The following HBS1L variants were observed in gnomAD, a reference collection of about 807,000 sequenced individuals.
HBS1L encodes HBS1-like protein.
A neutral mutation model predicts 88.9 loss-of-function variants in HBS1L; 55 were observed. The ratio of observed to expected loss-of-function variants is 0.62; its 90% CI spans 0.50 to 0.77. The LOEUF is 0.77. Among genes scored for constraint, HBS1L ranks in the 30% least tolerant of loss-of-function variants. The pLI is 0.00. For synonymous variants in HBS1L, 267 were observed against 288.5 expected, an observed-to-expected ratio of 0.93 and a Z score of 0.76; for missense variants, 741 against 829.3, an observed-to-expected ratio of 0.89 and a Z score of 1.31.
At chr6:134,966,159 A>G (rs1399801185) in intron 17 of HBS1L, among the ~76,000 whole-genome samples, 170 bp downstream of exon 17, 1 of 152,148 alleles carries the variant, frequency 6.6e-6, no homozygotes, top group Non-Finnish European at 1.5e-5. Context: ...CCAATCTTCC[A>G]AATATAACCC....
At chr6:134,972,103 T>A (rs1262334505) in intron 15 of HBS1L, among the ~76,000 whole-genome samples, 10 of 152,192 alleles carry the variant, frequency 6.6e-5, no homozygotes, top group Admixed American at 6.5e-4. Flanking sequence ...TTTCTAAAGT[T>A]CTAACATTTC....
At position 135,031,204 on chromosome 6, in the gene HBS1L, C is replaced by T. The variant is rs147418579; in HGVS notation, c.430+8369G>A. Among the ~76,000 whole-genome samples, 428 of 152,050 alleles carry T rather than the reference C, an allele frequency of 2.8e-3. 2 individuals are homozygous for T. Among genetic ancestry groups the T allele is most frequent in the African/African-American group, 9.9e-3 (413 of 41,510 alleles). On this transcript the variant is annotated intron_variant, in intron 4 of 17. Coordinates refer to ENST00000367837, the MANE Select transcript of HBS1L (RefSeq NM_006620.4). The stretch of plus-strand genomic sequence containing the variant: ...GGCCATGAGTTCGGTGTTAATGAAT[C>T]CATGCTATACACATCCATTAAATAA...
chr6:135,014,821 A>G lies in HBS1L; in HGVS notation c.431-11979T>C, dbSNP rs187240117. Among the ~76,000 whole-genome samples the G allele has an allele frequency of 2.6e-3, 356 of 137,608 alleles. 1 individual carries two copies. The highest frequency in any genetic ancestry group is 4.3e-3 in the Non-Finnish European group (285 of 65,568). 90.3% of individuals were successfully genotyped at this position (137,608 alleles called of 152,430 possible). On this transcript the variant is annotated intron_variant, in intron 4 of 17. Transcript: ENST00000367837. ...CACCTGAGCCCAGGAGTTCAAGACC[A>G]GCCTGGGCAACACGGAGAAACTGTC...
At chr6:135,008,246 TAC>T (rs1174570764) in intron 4 of HBS1L, among the ~76,000 whole-genome samples, 1 of 152,184 alleles carries the variant, frequency 6.6e-6, no homozygotes, top group East Asian at 1.9e-4. Flanking sequence ...ATCCGTTAGG[TAC>T]AGTTTTCATT....
intron 4 of HBS1L, among the ~76,000 whole-genome samples, chr6:135,010,723 T>C (rs1276678506): frequency 1.3e-5 from 2 of 152,072 alleles, no homozygotes; most frequent in Non-Finnish European, 1.5e-5. Context: ...TGGGACTATT[T>C]TGGGGGGGAA....
chr6:135,051,884 C>T (rs1186081554), intron 1 of HBS1L, among the ~76,000 whole-genome samples: 1 of 152,188 alleles, frequency 6.6e-6, no homozygotes, highest in Non-Finnish European at 1.5e-5. Flanking sequence ...ACAGTGAACA[C>T]ATTTCCAGTT....
chr6:135,043,459 C>A (rs1039857962), intron 2 of HBS1L, among the ~76,000 whole-genome samples: 10 of 152,158 alleles, frequency 6.6e-5, no homozygotes, highest in Admixed American at 3.3e-4. Flanking sequence ...AAAAAGACAT[C>A]AAAATGTATA....
At chr6:135,014,474 C>T (rs1004542090) in intron 4 of HBS1L, among the ~76,000 whole-genome samples, 7 of 151,454 alleles carry the variant, frequency 4.6e-5, no homozygotes, top group African/African-American at 1.2e-4. Flanking sequence ...TAAGATGAAA[C>T]GAAAAAAAGA....
intron 17 of HBS1L, 43 bp from the exon 18 acceptor site, chr6:134,965,333 C>A (rs1459771343): frequency 1.5e-6 from 2 of 1,305,404 alleles, no homozygotes; most frequent in African/African-American, 3.0e-5. Context: ...GTAATTTAAT[C>A]AATCACATTA....
At chr6:135,054,543 A>C in intron 1 of HBS1L, 106 bp downstream of exon 1, 7 of 1,328,156 alleles carry the variant, frequency 5.3e-6, no homozygotes, top group Non-Finnish European at 4.3e-6. Flanking sequence ...CCCAATCCCG[A>C]CAGGGCAACA....
At chr6:135,003,714 A>G (rs547784585) in intron 4 of HBS1L, among the ~76,000 whole-genome samples, 5 of 152,226 alleles carry the variant, frequency 3.3e-5, no homozygotes, top group Admixed American at 3.3e-4. Context: ...AAAATACAAA[A>G]ATAAGCTGGT....
At chr6:134,977,390 G>A (rs1408574518) in intron 15 of HBS1L, among the ~76,000 whole-genome samples, 3 of 151,944 alleles carry the variant, frequency 2.0e-5, no homozygotes, top group Non-Finnish European at 4.4e-5. Flanking sequence ...ACTGCTTTCT[G>A]TGAATGAGTT....
At chr6:135,003,586 G>T (rs77298838) in intron 4 of HBS1L, among the ~76,000 whole-genome samples, 1 of 113,180 alleles carries the variant, frequency 8.8e-6, no homozygotes, top group Admixed American at 8.8e-5. Flanking sequence ...AAAAAAAAAA[G>T]GCCAGGCACG....
rs112545331 is a variant in HBS1L at position 134,982,578 on chromosome 6, A to G, written c.1493-16T>C. 3.9e-5 allele frequency: 56 copies of G among 1,432,968 alleles called. No individual in the cohort carries two copies. In the African/African-American group the frequency reaches 5.1e-4, roughly 13 times the overall value. 88.8% of individuals were successfully genotyped at this position (1,432,968 alleles called of 1,614,324 possible). On this transcript the variant is annotated splice_polypyrimidine_tract_variant and intron_variant, in intron 12 of 17. Coordinates refer to ENST00000367837, the MANE Select transcript of HBS1L (RefSeq NM_006620.4). ...GATCCTTGATCTGCAAAACATACCA[A>G]AATCTTATGGTTCATACAGCAATGT... is the stretch of plus-strand genomic sequence containing the variant.
chr6:134,964,550 A>C lies in HBS1L; in HGVS notation c.*729T>G, dbSNP rs1774255337. 6.6e-6 allele frequency: 1 copy of C among 152,230 alleles called. No homozygotes were observed. The highest frequency in any genetic ancestry group is 6.5e-5 in the Admixed American group (1 of 15,284). The allele number at this position is 152,230 out of a possible 1,614,324, so 9.4% of individuals were successfully genotyped here. Reference sequence around the variant, plus strand: ...GCTAGGAAACTCTTAGGTGAAAAAGATCCCACAAAACCCCTAAATCATATT... The same window carrying C: ...GCTAGGAAACTCTTAGGTGAAAAAGCTCCCACAAAACCCCTAAATCATATT... On this transcript the variant is annotated 3_prime_UTR_variant, in exon 18 of 18. Transcript: ENST00000367837.
chr6:135,016,348 T>C (rs1362269266), intron 4 of HBS1L, among the ~76,000 whole-genome samples: 8 of 152,208 alleles, frequency 5.3e-5, no homozygotes, highest in African/African-American at 1.7e-4. Context: ...CTAATATACA[T>C]AGTTAAAGCC....
At position 135,042,808 on chromosome 6, in the gene HBS1L, C is replaced by T. The variant is rs573433377; in HGVS notation, c.110-682G>A. 3.6e-3 allele frequency among the ~76,000 whole-genome samples: 511 copies of T among 140,044 alleles called. 9 individuals are homozygous for T. Among genetic ancestry groups the T allele is most frequent in the Admixed American group, 0.034 (474 of 13,936 alleles). The allele number at this position is 140,044 out of a possible 152,430, so 91.9% of individuals were successfully genotyped here. Reference sequence around the variant, plus strand: ...AGCCTGGGTGACAAGAACAAAACTCCGTCTCAAAAAAAAAAAACAAAAAAA... The same window carrying T: ...AGCCTGGGTGACAAGAACAAAACTCTGTCTCAAAAAAAAAAAACAAAAAAA... On this transcript the variant is annotated intron_variant, in intron 2 of 17. Transcript: ENST00000367837.
At chr6:135,026,713 T>C (rs1315921188) in intron 4 of HBS1L, 2 of 151,622 alleles carry the variant, frequency 1.3e-5, no homozygotes, top group Non-Finnish European at 2.9e-5. Flanking sequence ...AAGGCAAAAA[T>C]TGAAAAACTA....
intron 4 of HBS1L, among the ~76,000 whole-genome samples, chr6:135,028,933 G>A (rs1776311774): frequency 1.3e-5 from 2 of 151,694 alleles, no homozygotes; most frequent in Non-Finnish European, 2.9e-5. Flanking sequence ...AGGCATGTGA[G>A]ATAACTCAGA....
Sources: gnomAD v4.1 joint callset for allele counts (sites outside exome capture counted in the v4.1 genomes callset) on GRCh38, gnomAD v4.1.1 for gene constraint, MANE v1.5 for transcripts, NCBI Gene and HGNC (gene_info 2026-07-23, HGNC 2026-07-21) for gene names.